Variants in NBR1 observed in about 807,000 individuals in gnomAD.
NBR1 encodes the protein next to BRCA1 gene 1 protein.
Under a neutral mutation model 115.5 loss-of-function variants are expected in NBR1, and 59 were observed. The ratio of observed to expected loss-of-function variants is 0.51; its 90% CI spans 0.41 to 0.63. The LOEUF is 0.63. Ranked by LOEUF, NBR1 falls within the 30% of genes least tolerant of loss-of-function variation. The pLI, the probability that NBR1 is intolerant of heterozygous loss-of-function variation, is 0.00. For missense variants in NBR1, 1,043 were observed against 1,150.5 expected, an observed-to-expected ratio of 0.91 and a Z score of 1.35; for synonymous variants, 373 against 414.7, an observed-to-expected ratio of 0.90 and a Z score of 1.22.
At chr17:43,180,917 G>T (rs765595971) in intron 5 of NBR1, 100 bp downstream of exon 5, 1 of 1,145,542 alleles carries the variant, frequency 8.7e-7, no homozygotes. Flanking sequence ...TGTCATCCAG[G>T]CTGGTGTGCA....
chr17:43,210,292 G>T lies in NBR1; in HGVS notation c.*218G>T. On this transcript the variant is annotated 3_prime_UTR_variant, in exon 21 of 21. Coordinates refer to ENST00000590996, the MANE Select transcript of NBR1 (RefSeq NM_005899.5). ...TTAGACATTGGATGAATAGTATGAAGACAGTTTTTCAGTTGATTTGGATAA... is the reference window on the plus strand; with the variant it reads ...TTAGACATTGGATGAATAGTATGAATACAGTTTTTCAGTTGATTTGGATAA... The T allele has an allele frequency of 2.5e-6, 1 of 404,716 alleles. No homozygotes were observed. Among genetic ancestry groups the T allele is most frequent in the Non-Finnish European group, 4.3e-6 (1 of 232,156 alleles). The allele number at this position is 404,716 out of a possible 1,614,324, so 25.1% of individuals were successfully genotyped here. A position where few individuals can be genotyped will look rare whatever the true frequency, so the allele number is the denominator to read the frequency against.
intron 6 of NBR1, among the ~76,000 whole-genome samples, chr17:43,186,945 G>A (rs2056817901): frequency 6.6e-6 from 1 of 152,204 alleles, no homozygotes; most frequent in African/African-American, 2.4e-5. Context: ...TTGGTTCCAA[G>A]TCTTTGCTAT....
chr17:43,200,371 G>C lies in NBR1; in HGVS notation c.2231G>C (p.Arg744Pro). 1 of 1,569,582 alleles carries C rather than the reference G, an allele frequency of 6.4e-7. No homozygotes were observed. Among genetic ancestry groups the C allele is most frequent in the Admixed American group, 1.9e-5 (1 of 52,292 alleles). The change falls in exon 17 of 21, where the codon CGC (arginine) becomes CCC (proline). Residue 744 changes from arginine (R) to proline (P), a missense_variant. Arg to Pro is a moderately radical substitution (Grantham distance 103, BLOSUM62 -2). Transcript: ENST00000590996. ...CTGCCTGAGTGCTTTGATACCAGCC[G>C]CCCCCTGGGGGATTCTATGTACAGC... ...IILPECFDTSRPLGDSMYSSA... is the reference protein window; with the variant it reads ...IILPECFDTSPPLGDSMYSSA...
At chr17:43,200,914 G>A (rs1446573595) in intron 17 of NBR1, among the ~76,000 whole-genome samples, 1 of 149,594 alleles carries the variant, frequency 6.7e-6, no homozygotes, top group African/African-American at 2.5e-5. Context: ...TGTTGCCCAG[G>A]CTGGAGTGCA....
rs375578392 is a variant in NBR1 at position 43,193,257 on chromosome 17, A to C, written c.1233+4A>C. The C allele has an allele frequency of 3.1e-6, 5 of 1,613,732 alleles. No homozygotes were observed. Among genetic ancestry groups the C allele is most frequent in the African/African-American group, 1.3e-5 (1 of 74,928 alleles). The stretch of plus-strand genomic sequence containing the variant: ...AAAGTGGAGTGCAGACACAAAGGTA[A>C]TTTTTCCCACAAAATGCAAAGATGA... On this transcript the variant is annotated splice_donor_region_variant and intron_variant, in intron 11 of 20. Transcript: ENST00000590996.
Position 43,190,708 on chromosome 17 carries a change from C to G in NBR1, c.795C>G (p.Gly265=). The G allele has an allele frequency of 6.2e-7, 1 of 1,613,940 alleles. No homozygotes were observed. Residue 265 remains glycine, a synonymous_variant, in exon 9 of 21, where the codon GGC becomes GGG. Coordinates refer to ENST00000590996, the MANE Select transcript of NBR1 (RefSeq NM_005899.5). ...VLLKLRRPVV[G]SSEPFCHSKY... The stretch of plus-strand genomic sequence containing the variant: ...TGAAGTTGCGGAGACCTGTTGTGGG[C>G]TCCTCTGAACCGTTCTGTCACTCAA...
rs750354221 is a variant in NBR1, at chr17:43,194,992, T to A, written c.1703T>A (p.Ile568Lys). 5 of 1,613,838 alleles carry A rather than the reference T, an allele frequency of 3.1e-6. No homozygotes were observed. Among genetic ancestry groups the A allele is most frequent in the Non-Finnish European group, 4.2e-6 (5 of 1,179,828 alleles). Residue 568 changes from isoleucine (I) to lysine (K), a missense_variant, in exon 14 of 21, where the codon ATA becomes AAA. Coordinates refer to ENST00000590996, the MANE Select transcript of NBR1 (RefSeq NM_005899.5). ...CTGCTGTCCTTTGAGCTGTTGGATA[T>A]AAACATTGTTCAAGAGTTGGAGAGA... ...QDLLSFELLD[I>K]NIVQELERVP...
At chr17:43,182,211 C>T (rs1480558118) in intron 5 of NBR1, among the ~76,000 whole-genome samples, 1 of 71,572 alleles carries the variant, frequency 1.4e-5, no homozygotes, top group Non-Finnish European at 2.5e-5. Flanking sequence ...CTGTTCTCTC[C>T]TTTTTTTTTT....
In NBR1 at chr17:43,210,798, G is replaced by C. The variant is rs910895814; in HGVS notation, c.*724G>C. 12 of 398,156 alleles carry C rather than the reference G, an allele frequency of 3.0e-5. No individual in the cohort carries two copies. The Admixed American group carries it at 3.1e-4, about 10-fold the overall frequency. 24.7% of individuals were successfully genotyped at this position (398,156 alleles called of 1,614,324 possible). A position where few individuals can be genotyped will look rare whatever the true frequency, so the allele number is the denominator to read the frequency against. ...TAATTTTGCATACATTTTTATTTAA[G>C]GGAAAAAATATAGGTATTGTGAAAT... On this transcript the variant is annotated 3_prime_UTR_variant, in exon 21 of 21. Coordinates refer to ENST00000590996, the MANE Select transcript of NBR1 (RefSeq NM_005899.5).
At chr17:43,179,182 T>C (rs944013942) in intron 3 of NBR1, among the ~76,000 whole-genome samples, 2 of 152,220 alleles carry the variant, frequency 1.3e-5, no homozygotes, top group African/African-American at 4.8e-5. Context: ...CTAACTGTTA[T>C]ATTGCACTGC....
chr17:43,197,025 G>A lies in NBR1; in HGVS notation c.1945G>A (p.Val649Met), dbSNP rs371788835. Residue 649 changes from valine to methionine, a missense_variant, in exon 16 of 21, where the codon GTG (valine) becomes ATG (methionine). Coordinates refer to ENST00000590996, the MANE Select transcript of NBR1 (RefSeq NM_005899.5). ...AEEDLSGTQF[V>M]CETVIRSLTL... ...AGAAGACCTGAGTGGGACCCAGTTT[G>A]TGTGTGAGACAGTAATCCGATCCCT... 1 of 1,613,902 alleles carries A rather than the reference G, an allele frequency of 6.2e-7. No individual in the cohort carries two copies. The highest frequency in any genetic ancestry group is 8.5e-7 in the Non-Finnish European group (1 of 1,179,898).
chr17:43,172,722 A>G (rs2056406580), intron 1 of NBR1, among the ~76,000 whole-genome samples: 2 of 152,186 alleles, frequency 1.3e-5, no homozygotes, highest in Admixed American at 1.3e-4. Context: ...TAGGGTTTCA[A>G]AAAAGTGCCT....
At chr17:43,196,399 A>G in intron 14 of NBR1, 82 bp from the exon 15 acceptor site, 1 of 842,192 alleles carries the variant, frequency 1.2e-6, no homozygotes, top group Non-Finnish European at 1.8e-6. Flanking sequence ...CAAGAAGCCT[A>G]CAAACTGCTA....
intron 20 of NBR1, among the ~76,000 whole-genome samples, chr17:43,206,355 G>A (rs2057317830): frequency 6.6e-6 from 1 of 151,584 alleles, no homozygotes; most frequent in African/African-American, 2.4e-5. Context: ...GTAGAGGCTG[G>A]TAGAGCCAGT....
chr17:43,181,693 C>G (rs547431366), intron 5 of NBR1, among the ~76,000 whole-genome samples: 14 of 148,400 alleles, frequency 9.4e-5, no homozygotes, highest in African/African-American at 2.5e-4. Context: ...AACCAAAAAA[C>G]AAATATCTTG....
intron 10 of NBR1, among the ~76,000 whole-genome samples, chr17:43,191,882 G>C (rs536536114): frequency 1.3e-4 from 20 of 151,824 alleles, no homozygotes; most frequent in Admixed American, 3.9e-4. Context: ...CACCACGCCT[G>C]GCTAATTTTT....
chr17:43,193,539 T>C lies in NBR1; in HGVS notation c.1425T>C (p.Ser475=), dbSNP rs776129055. The part of the protein sequence containing the change: ...GQQFGPRVWC[S]IIVDPFPSEE... The stretch of plus-strand genomic sequence containing the variant: ...AATTTGGGCCTCGGGTCTGGTGCAG[T>C]ATCATAGTAGATCCTTTCCCCTCCG... The change falls in exon 12 of 21, where the codon AGT becomes AGC. Residue 475 remains serine, a synonymous_variant. Transcript: ENST00000590996. 1 of 1,613,478 alleles carries C rather than the reference T, an allele frequency of 6.2e-7. No individual in the cohort carries two copies. Among genetic ancestry groups the C allele is most frequent in the South Asian group, 1.1e-5 (1 of 90,966 alleles).
At chr17:43,186,497 A>C in intron 6 of NBR1, 53 bp downstream of exon 6, 1 of 1,348,840 alleles carries the variant, frequency 7.4e-7, no homozygotes, top group Non-Finnish European at 9.7e-7. Context: ...TTCTTTTTTA[A>C]ATAAAGCTGA....
At chr17:43,192,164 G>A (rs1353933325) in intron 10 of NBR1, among the ~76,000 whole-genome samples, 1 of 151,130 alleles carries the variant, frequency 6.6e-6, no homozygotes, top group East Asian at 1.9e-4. Context: ...AGGATTACAG[G>A]TGCATGCCAC....
Sources: gnomAD v4.1 joint callset for allele counts (sites outside exome capture counted in the v4.1 genomes callset) on GRCh38, gnomAD v4.1.1 for gene constraint, MANE v1.5 for transcripts, NCBI Gene and HGNC (gene_info 2026-07-23, HGNC 2026-07-21) for gene names.